MYO1H: variants seen among roughly 807,000 people sequenced by gnomAD.
MYO1H encodes unconventional myosin-Ih.
MYO1H carries 118 observed loss-of-function variants against 149.3 expected under a neutral mutation model. The ratio of observed to expected loss-of-function variants is 0.79; its 90% CI spans 0.68 to 0.92. The LOEUF is 0.92. Among genes scored for constraint, MYO1H ranks in the 40% least tolerant of loss-of-function variants. The pLI, the probability that MYO1H is intolerant of heterozygous loss-of-function variation, is 0.00. For missense variants in MYO1H, 1,212 were observed against 1,280.7 expected (o/e 0.95, Z 0.82); for synonymous variants, 447 against 465.2 (o/e 0.96, Z 0.50).
intron 1 of MYO1H, among the ~76,000 whole-genome samples, chr12:109,371,811 C>T (rs1184813733): frequency 1.3e-5 from 2 of 152,176 alleles, no homozygotes; most frequent in Non-Finnish European, 2.9e-5. Context: ...TTCCTTTCCA[C>T]ACTTACTGAG....
chr12:109,443,040 G>GTGTGTGTATACACATATATA (rs1872236991), intron 27 of MYO1H, among the ~76,000 whole-genome samples: 2 of 42,716 alleles, frequency 4.7e-5, no homozygotes, highest in Non-Finnish European at 1.0e-4. Context: ...GTGTGTGTGT[G>GTGTGTGTATACACATATATA]TGTGTGTATA....
At chr12:109,356,094 CT>C (rs1868591243) in intron 1 of MYO1H, among the ~76,000 whole-genome samples, 1 of 152,142 alleles carries the variant, frequency 6.6e-6, no homozygotes, top group South Asian at 2.1e-4. Flanking sequence ...TTAAACACCC[CT>C]TTTTGGGTGA....
chr12:109,322,307 T>C, the MYO1H span, among the ~76,000 whole-genome samples: 1 of 152,156 alleles, frequency 6.6e-6, no homozygotes, highest in East Asian at 1.9e-4. Flanking sequence ...TTTCCAGCCT[T>C]TCAGAGACAA....
intron 19 of MYO1H, among the ~76,000 whole-genome samples, chr12:109,430,405 AT>A (rs897118429): frequency 6.6e-6 from 1 of 152,040 alleles, no homozygotes; most frequent in Non-Finnish European, 1.5e-5. Flanking sequence ...GCCCCTCCAT[AT>A]CTGTCTAGCT....
chr12:109,402,253 C>T (rs546706388), intron 6 of MYO1H, among the ~76,000 whole-genome samples: 1 of 152,316 alleles, frequency 6.6e-6, no homozygotes, highest in South Asian at 2.1e-4. Context: ...TAAGGCACGT[C>T]TCAGCATTTG....
At chr12:109,360,923 A>G (rs938262565) in intron 1 of MYO1H, among the ~76,000 whole-genome samples, 4 of 152,212 alleles carry the variant, frequency 2.6e-5, no homozygotes, top group Admixed American at 6.5e-5. Flanking sequence ...TCTCCTTCCC[A>G]ACCTATGAAC....
chr12:109,365,195 G>C (rs1868842117), intron 1 of MYO1H, among the ~76,000 whole-genome samples: 2 of 152,196 alleles, frequency 1.3e-5, no homozygotes, highest in South Asian at 4.1e-4. Context: ...AGGATCACTT[G>C]AATCCCAGAG....
Position 109,438,947 on chromosome 12 carries a change from G to A in MYO1H, c.2294+327G>A, listed in dbSNP as rs560032378. On this transcript the variant is annotated intron_variant, in intron 23 of 31. Coordinates refer to ENST00000310903, the Ensembl canonical transcript of MYO1H. ...ATGGTGGAGACCAGCAAACTGGAAC[G>A]CTCAGTCTACCTCAAGGTGGGGCGG... 1.5e-4 allele frequency among the ~76,000 whole-genome samples: 23 copies of A among 152,334 alleles called. No homozygotes were observed. The South Asian group carries it at 3.9e-3, about 26-fold the overall frequency.
chr12:109,401,589 G>C (rs902416120), intron 6 of MYO1H: 1 of 235,572 alleles, frequency 4.2e-6, no homozygotes, highest in African/African-American at 2.2e-5. Flanking sequence ...TCATTGGTCT[G>C]GGTAGGACCT....
chr12:109,402,292 A>G (rs1393458531), intron 6 of MYO1H, among the ~76,000 whole-genome samples: 1 of 152,010 alleles, frequency 6.6e-6, no homozygotes, highest in African/African-American at 2.4e-5. Context: ...TAGTCCCAAC[A>G]TTTTTTTTAT....
At position 109,436,487 on chromosome 12, in the gene MYO1H, G is replaced by C. The variant is rs1431198256; in HGVS notation, c.2141-1G>C. On this transcript the variant is annotated splice_acceptor_variant, in intron 21 of 31. Transcript: ENST00000310903. LOFTEE classifies it high-confidence loss of function. ...CACCAAAACGTCTGTTTTATTTTAA[G>C]TTGCAAGAATCCAAGCCACTTACAA... The C allele has an allele frequency of 6.2e-7, 1 of 1,608,346 alleles. No homozygotes were observed. The highest frequency in any genetic ancestry group is 8.5e-7 in the Non-Finnish European group (1 of 1,176,946).
rs200225794 is a variant in MYO1H, at chr12:109,447,180, T to C, written c.3115T>C (p.Ter1039ArgextTer1). ...CCAGGTGTCAGTCCGGAGGAAGTCC[T>C]GATAGAGGATGACGTCTGACCTCTA... Residue 1039 changes from the stop codon to arginine, a stop_lost, in exon 32 of 32, where the codon TGA (stop) becomes CGA (arginine). Transcript: ENST00000310903. 157 of 1,596,984 alleles carry C rather than the reference T, an allele frequency of 9.8e-5. No individual in the cohort carries two copies. The African/African-American group carries it at 1.9e-3, about 20-fold the overall frequency.
chr12:109,407,600 CAAAAAAAAAA>C (rs776897477), intron 9 of MYO1H, among the ~76,000 whole-genome samples, 184 bp from the exon 10 acceptor site: 43 of 68,436 alleles, frequency 6.3e-4, no homozygotes, highest in African/African-American at 1.6e-3. Flanking sequence ...CACATTTCTA[CAAAAAAAAAA>C]AAAAAAAAAA....
chr12:109,402,970 T>C (rs1870227721), intron 6 of MYO1H, among the ~76,000 whole-genome samples: 1 of 152,238 alleles, frequency 6.6e-6, no homozygotes. Context: ...CATCAGGGGC[T>C]TTGGAAATGG....
chr12:109,364,094 C>G (rs1423405279), intron 1 of MYO1H, among the ~76,000 whole-genome samples: 1 of 148,876 alleles, frequency 6.7e-6, no homozygotes, highest in Non-Finnish European at 1.5e-5. Flanking sequence ...TTGTTTGAAC[C>G]TGGGAGGCAG....
exon 13 of MYO1H, chr12:109,410,733 G>C (rs760432881): frequency 1.2e-6 from 2 of 1,601,926 alleles, no homozygotes; most frequent in Non-Finnish European, 8.5e-7. Context: ...CTGTGATTTG[G>C]TAGAAGAGAG....
In MYO1H at chr12:109,412,868, C is replaced by T. The variant is rs185616529; in HGVS notation, c.1502+883C>T. On this transcript the variant is annotated intron_variant, in intron 14 of 31. Transcript: ENST00000310903. ...TTGTGCAATCTCTGCTCACTACAAC[C>T]TCCGCCTCCTGGGTTTAAACGATTC... Among the ~76,000 whole-genome samples, 578 of 152,248 alleles carry T rather than the reference C, an allele frequency of 3.8e-3. 7 individuals carry two copies. The highest frequency in any genetic ancestry group is 0.013 in the African/African-American group (549 of 41,550).
chr12:109,391,483 GA>G (rs1258624065), intron 2 of MYO1H, among the ~76,000 whole-genome samples: 1 of 152,072 alleles, frequency 6.6e-6, no homozygotes, highest in Non-Finnish European at 1.5e-5. Flanking sequence ...GTCTATCATT[GA>G]TGGGCATTTG....
chr12:109,392,937 G>A (rs1032301381), intron 2 of MYO1H, among the ~76,000 whole-genome samples: 16 of 151,604 alleles, frequency 1.1e-4, no homozygotes, highest in Non-Finnish European at 1.9e-4. Flanking sequence ...CGCCTCCCGA[G>A]TAACTGGGAC....
Sources: gnomAD v4.1 joint callset for allele counts (sites outside exome capture counted in the v4.1 genomes callset) on GRCh38, gnomAD v4.1.1 for gene constraint, MANE v1.5 for transcripts, NCBI Gene and HGNC (gene_info 2026-07-23, HGNC 2026-07-21) for gene names.